Variants in SNCAIP observed in about 807,000 individuals in gnomAD.
SNCAIP encodes synphilin-1.
In SNCAIP, 43 loss-of-function variants were observed where a neutral mutation model predicts 86.7. The observed-to-expected ratio is 0.50, with a 90% CI of 0.39 to 0.64. The LOEUF (loss-of-function observed/expected upper bound fraction) is 0.64. Ranked by LOEUF, SNCAIP falls within the 30% of genes least tolerant of loss-of-function variation. The pLI is 0.00. For synonymous variants in SNCAIP, 417 were observed against 427.2 expected (o/e 0.98, Z 0.29); for missense variants, 981 against 1,103.1 (o/e 0.89, Z 1.57).
At chr5:122,333,940 G>T (rs1176767639) in intron 1 of SNCAIP, among the ~76,000 whole-genome samples, 1 of 152,134 alleles carries the variant, frequency 6.6e-6, no homozygotes, top group Non-Finnish European at 1.5e-5. Context: ...GTGGGGAAAT[G>T]GAATGTATAC....
rs1173521461 is a variant in SNCAIP at position 122,403,794 on chromosome 5, A to G, written c.59A>G (p.Tyr20Cys). The change falls in exon 3 of 11, where the codon TAT becomes TGT. Residue 20 changes from tyrosine (Y) to cysteine (C), a missense_variant and splice_region_variant. By Grantham distance (194) the Tyr-to-Cys change is radical. Coordinates refer to ENST00000261368, the MANE Select transcript of SNCAIP (RefSeq NM_005460.4). ...TCTCTTCTCTGGCTTCCCGTTCAGT[A>G]TTCAGTCACATCACTCAAGACGATC... ...DEIDFSDDIS[Y>C]SVTSLKTIPE... 9.3e-6 allele frequency: 15 copies of G among 1,612,542 alleles called. No homozygotes were observed. Among genetic ancestry groups the G allele is most frequent in the Admixed American group, 1.7e-5 (1 of 59,982 alleles).
chr5:122,361,192 A>C (rs868650749), intron 1 of SNCAIP, among the ~76,000 whole-genome samples: 6 of 151,524 alleles, frequency 4.0e-5, no homozygotes, highest in Middle Eastern at 3.2e-3. Flanking sequence ...AAAAAAAAAA[A>C]AGTCTTTGGG....
chr5:122,390,437 G>A (rs1769105893), intron 1 of SNCAIP, among the ~76,000 whole-genome samples: 1 of 152,162 alleles, frequency 6.6e-6, no homozygotes, highest in African/African-American at 2.4e-5. Flanking sequence ...ACGTTCCGGG[G>A]CCTGCATCAG....
At position 122,463,617 on chromosome 5, in the gene SNCAIP, T is replaced by A. The variant is rs749260609; in HGVS notation, c.*121T>A. 4 of 1,083,452 alleles carry A rather than the reference T, an allele frequency of 3.7e-6. No homozygotes were observed. Among genetic ancestry groups the A allele is most frequent in the Non-Finnish European group, 4.2e-6 (3 of 719,928 alleles). 67.1% of individuals were successfully genotyped at this position (1,083,452 alleles called of 1,614,324 possible). A position where few individuals can be genotyped will look rare whatever the true frequency, so the allele number is the denominator to read the frequency against. ...TCTCTCACTGATGCCCTTTGGAAAT[T>A]ATTGGAAATTTCTGGACTATCCTCT... On this transcript the variant is annotated 3_prime_UTR_variant, in exon 11 of 11. Transcript: ENST00000261368.
rs371606515 is a variant in SNCAIP, at chr5:122,387,315, C to A, written c.-46-3774C>A. Among the ~76,000 whole-genome samples, 11 of 152,134 alleles carry A rather than the reference C, an allele frequency of 7.2e-5. No individual in the cohort carries two copies. The South Asian group carries it at 2.3e-3, about 32-fold the overall frequency. On this transcript the variant is annotated intron_variant, in intron 1 of 10. Transcript: ENST00000261368. Reference sequence around the variant, plus strand: ...CTGGGACTACAGGCGCCCACCACCACGCCCGGCTAATGTTTTGCATTTTTA... The same window carrying A: ...CTGGGACTACAGGCGCCCACCACCAAGCCCGGCTAATGTTTTGCATTTTTA...
At chr5:122,379,611 T>C (rs1408060451) in intron 1 of SNCAIP, among the ~76,000 whole-genome samples, 3 of 151,276 alleles carry the variant, frequency 2.0e-5, no homozygotes, top group Admixed American at 6.6e-5. Flanking sequence ...CATCCCTGTC[T>C]TGTGCCAGTT....
chr5:122,343,364 A>G (rs957616855), intron 1 of SNCAIP, among the ~76,000 whole-genome samples: 13 of 152,174 alleles, frequency 8.5e-5, no homozygotes, highest in African/African-American at 2.9e-4. Flanking sequence ...TTTGAGTTGG[A>G]TCTCATTTTG....
At chr5:122,452,194 G>A (rs1398635511) in intron 10 of SNCAIP, among the ~76,000 whole-genome samples, 2 of 152,206 alleles carry the variant, frequency 1.3e-5, no homozygotes, top group African/African-American at 4.8e-5. Context: ...CCAGTCCACA[G>A]GGGATGGCAG....
chr5:122,418,789 A>T (rs1335984153), intron 3 of SNCAIP, among the ~76,000 whole-genome samples: 1 of 152,186 alleles, frequency 6.6e-6, no homozygotes, highest in African/African-American at 2.4e-5. Flanking sequence ...GCACCCACAT[A>T]TGGGGAAATA....
At chr5:122,322,511 A>G (rs1453634639) in intron 1 of SNCAIP, among the ~76,000 whole-genome samples, 2 of 152,206 alleles carry the variant, frequency 1.3e-5, no homozygotes, top group Non-Finnish European at 2.9e-5. Flanking sequence ...AAAGTTGAAT[A>G]AGGTCTAACC....
At chr5:122,391,051 A>AT in intron 1 of SNCAIP, 38 bp from the exon 2 acceptor site, 2 of 1,162,708 alleles carry the variant, frequency 1.7e-6, no homozygotes, top group Non-Finnish European at 2.6e-6. Context: ...AAACGGCTAA[A>AT]TTTTTTTGCC....
At chr5:122,381,080 A>C (rs933284444) in intron 1 of SNCAIP, among the ~76,000 whole-genome samples, 14 of 150,190 alleles carry the variant, frequency 9.3e-5, no homozygotes, top group African/African-American at 3.2e-4. Flanking sequence ...AGCTGAGTTG[A>C]ATTCCTGGGT....
intron 5 of SNCAIP, among the ~76,000 whole-genome samples, chr5:122,426,554 T>C (rs1777406838): frequency 1.3e-5 from 2 of 152,220 alleles, no homozygotes; most frequent in African/African-American, 4.8e-5. Context: ...TTATTTAATT[T>C]TGCTCGGTTA....
At chr5:122,408,101 G>A (rs1452860029) in intron 3 of SNCAIP, among the ~76,000 whole-genome samples, 2 of 152,170 alleles carry the variant, frequency 1.3e-5, no homozygotes, top group Non-Finnish European at 2.9e-5. Flanking sequence ...TGCTGAGTGT[G>A]TGCTGCTCAT....
At chr5:122,451,623 T>G in intron 10 of SNCAIP, 22 bp downstream of exon 10, 1 of 1,486,256 alleles carries the variant, frequency 6.7e-7, no homozygotes, top group Non-Finnish European at 9.4e-7. Flanking sequence ...TTGGAGAATA[T>G]TCTTTTTTTT....
chr5:122,348,664 A>G (rs1430432946), intron 1 of SNCAIP, among the ~76,000 whole-genome samples: 1 of 152,124 alleles, frequency 6.6e-6, no homozygotes, highest in Non-Finnish European at 1.5e-5. Flanking sequence ...TGCCTGAGTC[A>G]CATATAAACC....
At chr5:122,337,087 C>G (rs1304050963) in intron 1 of SNCAIP, among the ~76,000 whole-genome samples, 11 of 152,150 alleles carry the variant, frequency 7.2e-5, no homozygotes, top group Admixed American at 6.5e-4. Context: ...GAACTTGGGT[C>G]TACTGATTCC....
intron 1 of SNCAIP, among the ~76,000 whole-genome samples, chr5:122,386,732 T>C (rs947150518): frequency 6.6e-6 from 1 of 152,004 alleles, no homozygotes; most frequent in Non-Finnish European, 1.5e-5. Context: ...TCAGTTTTCC[T>C]ACCCAAATTG....
rs763233408 is a variant in SNCAIP, at chr5:122,444,778, T to C, written c.1592+46T>C. 5.3e-5 allele frequency: 80 copies of C among 1,512,082 alleles called. No homozygotes were observed. In the Admixed American group the frequency reaches 1.3e-3, roughly 25 times the overall value. 93.7% of individuals were successfully genotyped at this position (1,512,082 alleles called of 1,614,324 possible). A position where few individuals can be genotyped will look rare whatever the true frequency, so the allele number is the denominator to read the frequency against. ...ATGAGAACCAAGTCTAACTCATTAT[T>C]GTTGTACTTAGGCTTCAGCCCCATG... On this transcript the variant is annotated intron_variant, in intron 8 of 10. Coordinates refer to ENST00000261368, the MANE Select transcript of SNCAIP (RefSeq NM_005460.4).
Sources: gnomAD v4.1 joint callset for allele counts (sites outside exome capture counted in the v4.1 genomes callset) on GRCh38, gnomAD v4.1.1 for gene constraint, MANE v1.5 for transcripts, NCBI Gene and HGNC (gene_info 2026-07-23, HGNC 2026-07-21) for gene names.